SRRM4: variants seen among roughly 807,000 people sequenced by gnomAD.
SRRM4 encodes serine/arginine repetitive matrix protein 4.
A neutral mutation model predicts 68.9 loss-of-function variants in SRRM4; 33 were observed. The observed-to-expected ratio is 0.48, with a 90% CI of 0.36 to 0.64. SRRM4 has a LOEUF of 0.64. Ranked by LOEUF, SRRM4 falls within the 30% of genes least tolerant of loss-of-function variation. The pLI is 0.00. For missense variants in SRRM4, 817 were observed against 827.1 expected (o/e 0.99, Z 0.15); for synonymous variants, 318 against 318.8 (o/e 1.00, Z 0.03).
intron 1 of SRRM4, among the ~76,000 whole-genome samples, chr12:119,029,015 G>A (rs1382522025): frequency 6.6e-6 from 1 of 152,110 alleles, no homozygotes; most frequent in Non-Finnish European, 1.5e-5. Context: ...AGACAGAAAG[G>A]GACAACGAAG....
chr12:119,118,703 C>T (rs1018150048), intron 4 of SRRM4, among the ~76,000 whole-genome samples: 3 of 152,202 alleles, frequency 2.0e-5, no homozygotes, highest in African/African-American at 7.2e-5. Context: ...GCAGCTCCTC[C>T]CAATTTGGGG....
At chr12:119,073,312 C>CTT (rs71451813) in intron 1 of SRRM4, among the ~76,000 whole-genome samples, 60,975 of 104,124 alleles carry the variant, frequency 0.59, 17,741 homozygotes, top group African/African-American at 0.65. Flanking sequence ...TCTCTCTCCT[C>CTT]TTTTTTTTTT....
At position 119,156,682 on chromosome 12, in the gene SRRM4, A is replaced by C. The variant is rs1441073095; in HGVS notation, c.1720A>C (p.Ser574Arg). The C allele has an allele frequency of 6.4e-7, 1 of 1,557,248 alleles. No homozygotes were observed. Among genetic ancestry groups the C allele is most frequent in the Non-Finnish European group, 8.7e-7 (1 of 1,152,040 alleles). ...CACGAGCAGCAGCTCTAGCTCCCGC[A>C]GCCCTAGTCCGGGCTCCCGCAGCCG... ...TRTSSSSSSR[S>R]PSPGSRSRSR... Residue 574 changes from serine to arginine, a missense_variant, in exon 13 of 13, where the codon AGC becomes CGC. Coordinates refer to ENST00000267260, the MANE Select transcript of SRRM4 (RefSeq NM_194286.4).
chr12:119,110,862 C>A (rs1954138619), intron 2 of SRRM4, among the ~76,000 whole-genome samples: 1 of 152,184 alleles, frequency 6.6e-6, no homozygotes, highest in Non-Finnish European at 1.5e-5. Flanking sequence ...GAACCCGGTA[C>A]CTTAGTTGGA....
intron 1 of SRRM4, among the ~76,000 whole-genome samples, chr12:119,042,589 T>A (rs896480493): frequency 6.9e-6 from 1 of 144,946 alleles, no homozygotes. Context: ...CAATGGAAGA[T>A]GAAAGAGAAG....
chr12:119,143,812 G>A (rs1272854069), intron 8 of SRRM4, among the ~76,000 whole-genome samples: 1 of 152,134 alleles, frequency 6.6e-6, no homozygotes, highest in African/African-American at 2.4e-5. Flanking sequence ...GGGATCTCAG[G>A]TACCCAGAGA....
chr12:119,046,268 G>A (rs906433957), intron 1 of SRRM4, among the ~76,000 whole-genome samples: 1 of 151,992 alleles, frequency 6.6e-6, no homozygotes, highest in Non-Finnish European at 1.5e-5. Flanking sequence ...GCAGGAGGAG[G>A]AAAGTCCAAG....
At chr12:119,092,178 C>T in intron 1 of SRRM4, among the ~76,000 whole-genome samples, 1 of 152,194 alleles carries the variant, frequency 6.6e-6, no homozygotes, top group East Asian at 1.9e-4. Context: ...GCCACTGGAG[C>T]TTACCTCCCT....
At chr12:119,024,637 G>A (rs886707302) in intron 1 of SRRM4, among the ~76,000 whole-genome samples, 8 of 152,242 alleles carry the variant, frequency 5.3e-5, no homozygotes, top group Non-Finnish European at 7.3e-5. Context: ...TTTCTCCAGA[G>A]CATGATTGAT....
intron 1 of SRRM4, among the ~76,000 whole-genome samples, chr12:119,007,149 G>C (rs1481616897): frequency 6.6e-6 from 1 of 152,186 alleles, no homozygotes; most frequent in Non-Finnish European, 1.5e-5. Context: ...TCACTTCCCA[G>C]CCCTCTCTGA....
chr12:118,993,565 A>G (rs1953330641), intron 1 of SRRM4, among the ~76,000 whole-genome samples: 1 of 152,176 alleles, frequency 6.6e-6, no homozygotes, highest in African/African-American at 2.4e-5. Context: ...AACAGGCCCC[A>G]AACTGCAGTG....
chr12:119,063,916 T>G (rs1035332732), intron 1 of SRRM4, among the ~76,000 whole-genome samples: 1 of 152,158 alleles, frequency 6.6e-6, no homozygotes, highest in African/African-American at 2.4e-5. Flanking sequence ...TCTCCATTCC[T>G]AAACCCATGT....
chr12:119,096,876 G>T (rs1038148934), intron 1 of SRRM4, among the ~76,000 whole-genome samples: 1 of 152,186 alleles, frequency 6.6e-6, no homozygotes, highest in African/African-American at 2.4e-5. Context: ...AGCAGCTAGG[G>T]AGCCAGGCCT....
intron 1 of SRRM4, among the ~76,000 whole-genome samples, chr12:119,078,766 T>A (rs1025859134): frequency 2.0e-5 from 3 of 151,814 alleles, no homozygotes; most frequent in South Asian, 4.2e-4. Context: ...CAAAAAAAAA[T>A]TTAAAATTCA....
At chr12:119,003,799 G>A (rs1953400056) in intron 1 of SRRM4, among the ~76,000 whole-genome samples, 1 of 151,922 alleles carries the variant, frequency 6.6e-6, no homozygotes, top group Admixed American at 6.6e-5. Context: ...TATCTTCATG[G>A]CCTCTTTTTT....
At position 119,153,571 on chromosome 12, in the gene SRRM4, A is replaced by G. The variant is rs202114208; in HGVS notation, c.1313A>G (p.Lys438Arg). 1 of 1,576,594 alleles carries G rather than the reference A, an allele frequency of 6.3e-7. No individual in the cohort carries two copies. The highest frequency in any genetic ancestry group is 1.2e-5 in the South Asian group (1 of 85,406). Residue 438 changes from lysine to arginine, a missense_variant, in exon 11 of 13, where the codon AAG becomes AGG. Lys to Arg is a conservative substitution (Grantham distance 26). Coordinates refer to ENST00000267260, the MANE Select transcript of SRRM4 (RefSeq NM_194286.4). ...TCCCGCTCTCCCAGCTATTCCTCCA[A>G]GTCTGGCAAGAGGAGCCCGCCCAGC... ...SYSRSPSYSS[K>R]SGKRSPPSRS... is the part of the protein sequence containing the mutation.
At chr12:119,125,531 TAA>T (rs1326873738) in intron 7 of SRRM4, 52 bp downstream of exon 7, 7 of 1,522,278 alleles carry the variant, frequency 4.6e-6, no homozygotes. Flanking sequence ...GAGCCCAGGC[TAA>T]GACACTGTTA....
At chr12:119,067,334 A>T (rs1361963696) in intron 1 of SRRM4, among the ~76,000 whole-genome samples, 4 of 152,112 alleles carry the variant, frequency 2.6e-5, no homozygotes. Context: ...GCTTCTTATC[A>T]TATTTCTTAT....
chr12:119,117,158 G>T, intron 4 of SRRM4, 150 bp downstream of exon 4: 1 of 707,294 alleles, frequency 1.4e-6, no homozygotes, highest in Non-Finnish European at 2.4e-6. Context: ...TGTGTAAGCT[G>T]GGACTGTGGC....
Sources: allele counts gnomAD v4.1 joint callset (sites outside exome capture counted in the v4.1 genomes callset), GRCh38; gene constraint gnomAD v4.1.1; transcripts MANE v1.5; gene names NCBI Gene and HGNC (gene_info 2026-07-23, HGNC 2026-07-21).